ZNF217: variants seen among roughly 807,000 people sequenced by gnomAD.
ZNF217 encodes the protein zinc finger protein 217.
In ZNF217, 12 loss-of-function variants were observed where a neutral mutation model predicts 73.3. That is an observed-to-expected ratio of 0.16 (90% CI 0.10 to 0.27). The LOEUF (loss-of-function observed/expected upper bound fraction) is 0.27. Ranked by LOEUF, ZNF217 falls within the 10% of genes least tolerant of loss-of-function variation. ZNF217 has a pLI of 1.00. For synonymous variants in ZNF217, 588 were observed against 516.4 expected (o/e 1.14, Z -1.88); for missense variants, 1,195 against 1,327.8 (o/e 0.90, Z 1.55).
chr20:53,585,624 T>C (rs1192171610), intron 1 of ZNF217, among the ~76,000 whole-genome samples: 1 of 152,176 alleles, frequency 6.6e-6, no homozygotes, highest in African/African-American at 2.4e-5. Context: ...AAAATATTTA[T>C]TAATAGAAAG....
At position 53,567,939 on chromosome 20, in the gene ZNF217, T is replaced by G. The variant is rs1987815701; in HGVS notation, c.*1349A>C. On this transcript the variant is annotated 3_prime_UTR_variant, in exon 6 of 6. Coordinates refer to ENST00000371471, the MANE Select transcript of ZNF217 (RefSeq NM_006526.3). ...TTTGAAACAGTTTCTTAATAAAATA[T>G]TTTGTGGTCACTAAGCCCATGTACT... 1 of 152,728 alleles carries G rather than the reference T, an allele frequency of 6.5e-6. No homozygotes were observed. The highest frequency in any genetic ancestry group is 1.5e-5 in the Non-Finnish European group (1 of 68,012). The allele number at this position is 152,728 out of a possible 1,614,324, so 9.5% of individuals were successfully genotyped here. A position where few individuals can be genotyped will look rare whatever the true frequency, so the allele number is the denominator to read the frequency against.
Position 53,581,981 on chromosome 20 carries a change from C to G in ZNF217, c.846G>C (p.Lys282Asn). ...CGAGCTGAGGGATGCATCTGACAGG[C>G]TTCTTCCCCGTTTCAGGGTGAGATT... Reference protein sequence around the residue: ...RPKSHPETGKKPVRCIPQLDP... With the variant: ...RPKSHPETGKNPVRCIPQLDP... The change falls in exon 2 of 6, where the codon AAG becomes AAC. Residue 282 changes from lysine to asparagine, a missense_variant. Lys to Asn is a moderately conservative substitution (Grantham distance 94). Transcript: ENST00000371471. This position sits in a 1 kb window ranked among gnomAD's most constrained non-coding sequence, Gnocchi z 4.9. The G allele has an allele frequency of 6.2e-7, 1 of 1,614,184 alleles. No individual in the cohort carries two copies. The highest frequency in any genetic ancestry group is 8.5e-7 in the Non-Finnish European group (1 of 1,180,030).
Position 53,578,341 on chromosome 20 carries a change from C to T in ZNF217, c.1476G>A (p.Thr492=), listed in dbSNP as rs767149277. The change falls in exon 3 of 6, where the codon ACG becomes ACA. Residue 492 remains threonine, a synonymous_variant. Transcript: ENST00000371471. The part of the protein sequence containing the change: ...SNYYLNIHLR[T]HTGEKPYKCE... ...AAAATAAAAGTTCTTTACCTGTATGCGTTCTGAGATGAATATTGAGGTAAT... is the reference window on the plus strand; with the variant it reads ...AAAATAAAAGTTCTTTACCTGTATGTGTTCTGAGATGAATATTGAGGTAAT... 5.1e-6 allele frequency: 8 copies of T among 1,572,372 alleles called. No individual in the cohort carries two copies. The highest frequency in any genetic ancestry group is 2.3e-5 in the East Asian group (1 of 43,508).
chr20:53,594,962 A>G (rs1251776197), upstream of ZNF217, among the ~76,000 whole-genome samples: 2 of 142,198 alleles, frequency 1.4e-5, no homozygotes, highest in African/African-American at 5.2e-5. Flanking sequence ...CTAACTTGAG[A>G]TTTCTAAACT....
At position 53,576,211 on chromosome 20, in the gene ZNF217, C is replaced by T. The variant is rs775495469; in HGVS notation, c.2553G>A (p.Pro851=). ...MFPKTSVSPA[P]DKTKRPETKL... is the part of the protein sequence containing the mutation. The stretch of plus-strand genomic sequence containing the variant: ...TTGTCTCGGGTCTTTTTGTCTTATC[C>T]GGTGCAGGGGAAACACTGGTTTTAG... The change falls in exon 4 of 6, where the codon CCG becomes CCA. Residue 851 remains proline, a synonymous_variant. Coordinates refer to ENST00000371471, the MANE Select transcript of ZNF217 (RefSeq NM_006526.3). 16 of 1,614,054 alleles carry T rather than the reference C, an allele frequency of 9.9e-6. No individual in the cohort carries two copies. The highest frequency in any genetic ancestry group is 3.3e-5 in the Admixed American group (2 of 59,994).
upstream of ZNF217, among the ~76,000 whole-genome samples, chr20:53,594,852 G>A (rs1177983530): frequency 1.3e-5 from 2 of 152,078 alleles, no homozygotes; most frequent in Non-Finnish European, 2.9e-5. Flanking sequence ...TCAAGCTTGA[G>A]GAAGGTCGAG....
At chr20:53,573,823 C>T (rs1374483768) in intron 4 of ZNF217, among the ~76,000 whole-genome samples, 1 of 152,172 alleles carries the variant, frequency 6.6e-6, no homozygotes, top group Non-Finnish European at 1.5e-5. Context: ...GTAATCCCAG[C>T]GCTTTGTGAG....
rs1206263695 is a variant in ZNF217, at chr20:53,592,857, GA to G, written c.-343+898del. Among the ~76,000 whole-genome samples, 135 of 143,546 alleles carry G rather than the reference GA, an allele frequency of 9.4e-4. 1 individual carries two copies. The highest frequency in any genetic ancestry group is 2.8e-3 in the African/African-American group (108 of 39,116). The allele number at this position is 143,546 out of a possible 152,430, so 94.2% of individuals were successfully genotyped here. On this transcript the variant is annotated intron_variant, in intron 1 of 5. Coordinates refer to ENST00000371471, the MANE Select transcript of ZNF217 (RefSeq NM_006526.3). ...CCCTTAAAAAAAAAAAAAAAGAAAA[GA>G]AAAAAAAAAGCAGCAGCACTTTTGG...
In ZNF217 at chr20:53,576,437, G is replaced by A. The variant is rs749156954; in HGVS notation, c.2327C>T (p.Pro776Leu). 7.4e-6 allele frequency: 12 copies of A among 1,614,052 alleles called. No homozygotes were observed. In the South Asian group the frequency reaches 1.3e-4, roughly 18 times the overall value. Residue 776 changes from proline (P) to leucine (L), a missense_variant, in exon 4 of 6, where the codon CCC (proline) becomes CTC (leucine). Physicochemically the swap from Pro to Leu is moderately conservative, Grantham distance 98. Around this residue, in one of 9 missense-constraint regions of ZNF217, gnomAD observed 649 missense variants for 642.8 expected, o/e 1.01. Transcript: ENST00000371471. ...PPLSSFCKPK[P>L]KSAFPAQSKS... Reference sequence around the variant, plus strand: ...GGACTGCGCCGGGAAAGCAGACTTGGGCTTGGGTTTACAGAAACTAGAGAG... The same window carrying A: ...GGACTGCGCCGGGAAAGCAGACTTGAGCTTGGGTTTACAGAAACTAGAGAG...
chr20:53,569,292 T>G, intron 5 of ZNF217, 28 bp from the exon 6 acceptor site: 1 of 1,279,072 alleles, frequency 7.8e-7, no homozygotes. Context: ...TTTTAAATGA[T>G]TAAGATCAAA....
Position 53,576,533 on chromosome 20 carries a change from C to T in ZNF217, c.2231G>A (p.Arg744Gln), listed in dbSNP as rs551111351. The stretch of plus-strand genomic sequence containing the variant: ...TCGACTTCTAAGCAAGGACTTGTTT[C>T]GACAGTTTTTATGAACGTCAGGATT... The part of the protein sequence containing the change: ...KYNPDVHKNC[R>Q]NKSLLRSRRT... Residue 744 changes from arginine to glutamine, a missense_variant, in exon 4 of 6, where the codon CGA (arginine) becomes CAA (glutamine). This residue lies in a region of ZNF217 where 649 missense variants were observed against 642.8 expected (regional missense o/e 1.01). Transcript: ENST00000371471. The T allele has an allele frequency of 1.2e-5, 20 of 1,614,182 alleles. No homozygotes were observed. The Middle Eastern group carries it at 4.9e-4, about 40-fold the overall frequency.
intron 3 of ZNF217, among the ~76,000 whole-genome samples, chr20:53,577,784 T>C (rs896828637): frequency 1.3e-5 from 2 of 152,212 alleles, no homozygotes; most frequent in South Asian, 2.1e-4. Context: ...AGTCAGGACA[T>C]AGCAGTCATA....
Position 53,576,394 on chromosome 20 carries a change from C to T in ZNF217, c.2370G>A (p.Ala790=), listed in dbSNP as rs752111463. ...GCCCAGGAGGGCTCTGCTTCCCCTT[C>T]GCAGATGGCAGGGATTTGGACTGCG... ...FPAQSKSLPS[A]KGKQSPPGPG... is the part of the protein sequence containing the mutation. The change falls in exon 4 of 6, where the codon GCG becomes GCA. Residue 790 remains alanine (A), a synonymous_variant. Coordinates refer to ENST00000371471, the MANE Select transcript of ZNF217 (RefSeq NM_006526.3). 6 of 1,614,212 alleles carry T rather than the reference C, an allele frequency of 3.7e-6. No individual in the cohort carries two copies. In the South Asian group the frequency reaches 4.4e-5, roughly 12 times the overall value.
At chr20:53,594,037 C>A (rs1367160246), upstream of ZNF217, among the ~76,000 whole-genome samples, 1 of 135,714 alleles carries the variant, frequency 7.4e-6, no homozygotes, top group Non-Finnish European at 1.6e-5. Flanking sequence ...GCCTCCAAGA[C>A]CCCCCCCCAA....
At chr20:53,585,716 C>T (rs900544305) in intron 1 of ZNF217, among the ~76,000 whole-genome samples, 5 of 152,156 alleles carry the variant, frequency 3.3e-5, no homozygotes, top group Non-Finnish European at 7.3e-5. Flanking sequence ...GATTATTTCA[C>T]TGCGGTGAAG....
In ZNF217 at chr20:53,582,236, T is replaced by C; in HGVS notation, c.591A>G (p.Ala197=). The C allele has an allele frequency of 6.2e-7, 1 of 1,614,184 alleles. No individual in the cohort carries two copies. Among genetic ancestry groups the C allele is most frequent in the Non-Finnish European group, 8.5e-7 (1 of 1,180,046 alleles). The change falls in exon 2 of 6, where the codon GCA becomes GCG. Residue 197 remains alanine, a synonymous_variant. Transcript: ENST00000371471. This position sits in a 1 kb window ranked among gnomAD's most constrained non-coding sequence, Gnocchi z 4.8. ...GCACCTGGACGACCTCGTTGATCGT[T>C]GCTGGACTACTCTCCAAGCCTTGCT... ...KLQQGLESSP[A]TINEVVQVHA...
In ZNF217 at chr20:53,576,448, A is replaced by G; in HGVS notation, c.2316T>C (p.Cys772=). Residue 772 remains cysteine (C), a synonymous_variant, in exon 4 of 6, where the codon TGT becomes TGC. Transcript: ENST00000371471. ...GGAAAGCAGACTTGGGCTTGGGTTT[A>G]CAGAAACTAGAGAGGGGAGGCACAT... is the stretch of plus-strand genomic sequence containing the variant. ...GKDVPPLSSF[C]KPKPKSAFPA... The G allele has an allele frequency of 1.2e-6, 2 of 1,614,164 alleles. No individual in the cohort carries two copies. The highest frequency in any genetic ancestry group is 2.2e-5 in the South Asian group (2 of 91,080).
chr20:53,588,953 A>T (rs1988792721), intron 1 of ZNF217, among the ~76,000 whole-genome samples: 1 of 152,264 alleles, frequency 6.6e-6, no homozygotes, highest in South Asian at 2.1e-4. Context: ...TATTGATTAC[A>T]AAAGAAACAA....
chr20:53,571,657 C>A, intron 5 of ZNF217, 64 bp downstream of exon 5: 4 of 1,540,182 alleles, frequency 2.6e-6, no homozygotes, highest in Non-Finnish European at 3.5e-6. Context: ...TCCGCCCGCC[C>A]TGACCTCCCA....
Sources: allele counts gnomAD v4.1 joint callset (sites outside exome capture counted in the v4.1 genomes callset), GRCh38; gene constraint gnomAD v4.1.1; regional missense constraint gnomAD v4.1.1; non-coding constraint Gnocchi (gnomAD v3.1); transcripts MANE v1.5; gene names NCBI Gene and HGNC (gene_info 2026-07-23, HGNC 2026-07-21).